DNER: variants seen among roughly 807,000 people sequenced by gnomAD.
DNER encodes the protein delta and Notch-like epidermal growth factor-related receptor.
A neutral mutation model predicts 78.2 loss-of-function variants in DNER; 33 were observed. The ratio of observed to expected loss-of-function variants is 0.42; its 90% CI spans 0.32 to 0.56. The LOEUF is 0.56. Among genes scored for constraint, DNER ranks in the 20% least tolerant of loss-of-function variants. DNER has a pLI of 0.11. For missense variants in DNER, 918 were observed against 975.3 expected (o/e 0.94, Z 0.78); for synonymous variants, 417 against 384.8 (o/e 1.08, Z -0.98).
intron 1 of DNER, among the ~76,000 whole-genome samples, chr2:229,621,026 C>A (rs1423900959): frequency 6.6e-6 from 1 of 152,206 alleles, no homozygotes; most frequent in East Asian, 1.9e-4. Flanking sequence ...TTAAGCCACC[C>A]GGTCTGCGGT....
At chr2:229,437,435 G>T (rs892984772) in intron 8 of DNER, among the ~76,000 whole-genome samples, 1 of 152,128 alleles carries the variant, frequency 6.6e-6, no homozygotes, top group Non-Finnish European at 1.5e-5. Context: ...AGAAATACAG[G>T]GCATTGTCCC....
chr2:229,652,962 T>C (rs1482410198), intron 1 of DNER, among the ~76,000 whole-genome samples: 1 of 152,130 alleles, frequency 6.6e-6, no homozygotes, highest in Non-Finnish European at 1.5e-5. Context: ...ATTAGCTCAA[T>C]TGCTCACACA....
At chr2:229,520,191 C>A (rs1461098195) in intron 5 of DNER, among the ~76,000 whole-genome samples, 1 of 152,188 alleles carries the variant, frequency 6.6e-6, no homozygotes, top group Non-Finnish European at 1.5e-5. Flanking sequence ...CGGGAGAGTT[C>A]TGCACAGGCA....
chr2:229,621,406 C>A (rs977892534), intron 1 of DNER, among the ~76,000 whole-genome samples: 1 of 152,176 alleles, frequency 6.6e-6, no homozygotes, highest in Non-Finnish European at 1.5e-5. Context: ...AGGCTGGCCC[C>A]GATGCTACTT....
chr2:229,403,135 G>A (rs988446065), intron 10 of DNER, among the ~76,000 whole-genome samples: 9 of 152,256 alleles, frequency 5.9e-5, no homozygotes, highest in South Asian at 4.2e-4. Context: ...CACTCCACTC[G>A]GTCAAGCAGA....
intron 11 of DNER, among the ~76,000 whole-genome samples, chr2:229,371,793 A>G (rs1047021417): frequency 6.6e-6 from 1 of 152,220 alleles, no homozygotes; most frequent in Admixed American, 6.5e-5. Flanking sequence ...TAATTTGCTT[A>G]CCTATGTTAT....
chr2:229,636,766 T>G (rs1002828045), intron 1 of DNER, among the ~76,000 whole-genome samples: 2 of 152,114 alleles, frequency 1.3e-5, no homozygotes, highest in Non-Finnish European at 2.9e-5. Flanking sequence ...TTGGGTGTGG[T>G]CACATGAATG....
chr2:229,550,100 C>G (rs1696702918), intron 4 of DNER, among the ~76,000 whole-genome samples: 1 of 151,700 alleles, frequency 6.6e-6, no homozygotes. Flanking sequence ...TCAAGCAATC[C>G]TTGTGCCCCA....
In DNER at chr2:229,490,345, C is replaced by T. The variant is rs115456216; in HGVS notation, c.1148-13092G>A. The stretch of plus-strand genomic sequence containing the variant: ...TGGAAATACTCCAAGTGTCTGTCAG[C>T]GCATAAAGGGATAAACAAAATGTGG... On this transcript the variant is annotated intron_variant, in intron 6 of 12. Coordinates refer to ENST00000341772, the MANE Select transcript of DNER (RefSeq NM_139072.4). Among the ~76,000 whole-genome samples, 751 of 152,154 alleles carry T rather than the reference C, an allele frequency of 4.9e-3. 2 individuals are homozygous for T. The highest frequency in any genetic ancestry group is 8.3e-3 in the Non-Finnish European group (563 of 68,002).
intron 1 of DNER, among the ~76,000 whole-genome samples, chr2:229,648,278 T>G (rs568749855): frequency 6.6e-6 from 1 of 152,358 alleles, no homozygotes; most frequent in South Asian, 2.1e-4. Flanking sequence ...TAGCGCAGTA[T>G]GTGGTACCTA....
chr2:229,662,903 C>T (rs76897897), intron 1 of DNER, among the ~76,000 whole-genome samples: 6,869 of 152,278 alleles, frequency 0.045, 336 homozygotes, highest in African/African-American at 0.1. Context: ...TGCTGACAAC[C>T]TCTGTGACCT....
At chr2:229,583,009 C>A (rs916497063) in intron 4 of DNER, among the ~76,000 whole-genome samples, 1 of 152,166 alleles carries the variant, frequency 6.6e-6, no homozygotes. Flanking sequence ...ATTTTTTCCA[C>A]AAAATTTTTG....
chr2:229,534,260 G>T (rs1696362629), intron 5 of DNER, among the ~76,000 whole-genome samples: 1 of 152,056 alleles, frequency 6.6e-6, no homozygotes, highest in Non-Finnish European at 1.5e-5. Flanking sequence ...CCAATAGATT[G>T]TAATGAAACA....
intron 8 of DNER, among the ~76,000 whole-genome samples, chr2:229,422,038 T>C (rs1693778243): frequency 6.6e-6 from 1 of 152,186 alleles, no homozygotes; most frequent in Non-Finnish European, 1.5e-5. Context: ...ATAATTAAGC[T>C]GGTGATGTTT....
At chr2:229,677,011 A>G (rs1246024045) in intron 1 of DNER, among the ~76,000 whole-genome samples, 1 of 152,172 alleles carries the variant, frequency 6.6e-6, no homozygotes. Context: ...TACCTACAGA[A>G]TTCTTGCTCT....
intron 1 of DNER, among the ~76,000 whole-genome samples, chr2:229,696,710 G>C (rs78664323): frequency 0.016 from 2,405 of 152,284 alleles, 41 homozygotes; most frequent in Non-Finnish European, 0.024. Context: ...AGGTACAGGA[G>C]GCTGGGCCTT....
chr2:229,710,603 A>G (rs4331494), intron 1 of DNER, among the ~76,000 whole-genome samples: 119,131 of 152,094 alleles, frequency 0.78, 46,730 homozygotes, highest in East Asian at 0.91. Context: ...TCATCATTAC[A>G]TATCTACAAA....
At chr2:229,477,402 A>G in intron 6 of DNER, 149 bp from the exon 7 acceptor site, 1 of 530,378 alleles carries the variant, frequency 1.9e-6, no homozygotes, top group Admixed American at 3.5e-5. Context: ...ATTTATTTTT[A>G]CAAACTATGG....
intron 9 of DNER, among the ~76,000 whole-genome samples, chr2:229,417,643 ACT>A (rs34711268): frequency 0.067 from 10,099 of 151,776 alleles, 452 homozygotes; most frequent in Non-Finnish European, 0.089. Context: ...CATTGGAAAC[ACT>A]CTGTCAATGT....
Sources: allele counts gnomAD v4.1 joint callset (sites outside exome capture counted in the v4.1 genomes callset), GRCh38; gene constraint gnomAD v4.1.1; transcripts MANE v1.5; gene names NCBI Gene and HGNC (gene_info 2026-07-23, HGNC 2026-07-21).